NEGR1: variants seen among roughly 807,000 people sequenced by gnomAD.
NEGR1 encodes the protein IgLON family member 4.
In NEGR1, 10 loss-of-function variants were observed where a neutral mutation model predicts 40.9. That is an observed-to-expected ratio of 0.24 (90% CI 0.15 to 0.42). The LOEUF (loss-of-function observed/expected upper bound fraction) is 0.42. Ranked by LOEUF, NEGR1 falls within the 10% of genes least tolerant of loss-of-function variation. NEGR1 has a pLI of 1.00. For missense variants in NEGR1, 352 were observed against 438.9 expected (o/e 0.80, Z 1.77); for synonymous variants, 185 against 166.8 (o/e 1.11, Z -0.84).
At chr1:72,033,428 T>C (rs1014732122) in intron 1 of NEGR1, among the ~76,000 whole-genome samples, 2 of 152,198 alleles carry the variant, frequency 1.3e-5, no homozygotes, top group African/African-American at 4.8e-5. Context: ...TTTAAAGCAC[T>C]GTCAAAAAGG....
rs148066244 is a variant in NEGR1 at position 72,220,556 on chromosome 1, C to G, written c.176+61763G>C. 5.2e-3 allele frequency among the ~76,000 whole-genome samples: 793 copies of G among 152,140 alleles called. 7 individuals carry two copies. The highest frequency in any genetic ancestry group is 0.017 in the African/African-American group (720 of 41,534). On this transcript the variant is annotated intron_variant, in intron 1 of 6. Coordinates refer to ENST00000357731, the MANE Select transcript of NEGR1 (RefSeq NM_173808.3). ...GTACCAAAGAAAGAATGGGAAAATT[C>G]TATGCATATCGGTAATATGAATTGG...
intron 4 of NEGR1, among the ~76,000 whole-genome samples, chr1:71,649,568 G>T (rs1472417069): frequency 6.6e-6 from 1 of 152,096 alleles, no homozygotes; most frequent in Non-Finnish European, 1.5e-5. Context: ...ATTAAAGTAG[G>T]AAGGGTGAAA....
chr1:72,165,331 T>C (rs574299305), intron 1 of NEGR1, among the ~76,000 whole-genome samples: 4 of 152,142 alleles, frequency 2.6e-5, no homozygotes, highest in African/African-American at 9.6e-5. Context: ...TCAAACAACA[T>C]TTTAAACAAA....
intron 4 of NEGR1, among the ~76,000 whole-genome samples, chr1:71,659,102 C>A (rs1239602831): frequency 3.3e-5 from 5 of 152,170 alleles, no homozygotes; most frequent in African/African-American, 1.2e-4. Context: ...AGCTTTCTTA[C>A]TAGTTCTTTA....
At chr1:71,811,914 T>G (rs1658017331) in intron 2 of NEGR1, among the ~76,000 whole-genome samples, 6 of 151,544 alleles carry the variant, frequency 4.0e-5, no homozygotes, top group Admixed American at 4.0e-4. Flanking sequence ...TTTATTTTCT[T>G]ATAGGATACA....
chr1:72,128,325 G>T (rs368779658), intron 1 of NEGR1, among the ~76,000 whole-genome samples: 37 of 152,168 alleles, frequency 2.4e-4, no homozygotes, highest in African/African-American at 7.5e-4. Context: ...CAAAGAGCAG[G>T]TGTGGAACAT....
chr1:72,058,526 G>T (rs771201359), intron 1 of NEGR1, among the ~76,000 whole-genome samples: 2 of 151,594 alleles, frequency 1.3e-5, no homozygotes, highest in Non-Finnish European at 3.0e-5. Context: ...GAAAATTTAA[G>T]CCACAGTTTT....
At chr1:71,845,066 G>T (rs1429036774) in intron 2 of NEGR1, among the ~76,000 whole-genome samples, 1 of 152,108 alleles carries the variant, frequency 6.6e-6, no homozygotes, top group Non-Finnish European at 1.5e-5. Flanking sequence ...AATAGACAAT[G>T]GTTCTTTTTC....
At chr1:71,781,394 G>A (rs1656710090) in intron 2 of NEGR1, among the ~76,000 whole-genome samples, 1 of 152,170 alleles carries the variant, frequency 6.6e-6, no homozygotes, top group African/African-American at 2.4e-5. Context: ...GCGTCTGACA[G>A]TTATTTTAAC....
chr1:72,119,556 T>C (rs995489030), intron 1 of NEGR1, among the ~76,000 whole-genome samples: 1 of 151,974 alleles, frequency 6.6e-6, no homozygotes, highest in Non-Finnish European at 1.5e-5. Flanking sequence ...TAGGTTATCA[T>C]ATTGGCAGAA....
intron 1 of NEGR1, among the ~76,000 whole-genome samples, chr1:72,131,863 G>C (rs886906467): frequency 2.0e-5 from 3 of 152,156 alleles, no homozygotes; most frequent in Admixed American, 6.5e-5. Context: ...TTGGGAGGCT[G>C]AGATGGGAGG....
At chr1:71,706,853 G>A (rs1653917958) in intron 3 of NEGR1, among the ~76,000 whole-genome samples, 1 of 151,890 alleles carries the variant, frequency 6.6e-6, no homozygotes, top group African/African-American at 2.4e-5. Flanking sequence ...CGATACCCAG[G>A]TACTACATTG....
intron 1 of NEGR1, among the ~76,000 whole-genome samples, chr1:72,079,935 G>T (rs1376564869): frequency 2.0e-5 from 3 of 151,978 alleles, no homozygotes; most frequent in African/African-American, 7.2e-5. Context: ...AACAGAATCC[G>T]AGATTATATT....
intron 1 of NEGR1, among the ~76,000 whole-genome samples, chr1:72,231,376 A>T (rs1654358453): frequency 6.6e-6 from 1 of 152,082 alleles, no homozygotes; most frequent in African/African-American, 2.4e-5. Context: ...TATGAACCTT[A>T]CTCCACCATT....
intron 1 of NEGR1, among the ~76,000 whole-genome samples, chr1:72,120,234 T>C (rs1367767139): frequency 6.6e-6 from 1 of 151,994 alleles, no homozygotes; most frequent in Non-Finnish European, 1.5e-5. Flanking sequence ...GTTAAACATG[T>C]TTTCCTCAAA....
intron 1 of NEGR1, among the ~76,000 whole-genome samples, chr1:71,999,773 A>G (rs1416409734): frequency 6.7e-6 from 1 of 149,102 alleles, no homozygotes; most frequent in Non-Finnish European, 1.5e-5. Context: ...TTTACATACT[A>G]TCAATGATGC....
intron 6 of NEGR1, chr1:71,461,635 T>G (rs2101344170): frequency 6.6e-6 from 1 of 152,280 alleles, no homozygotes; most frequent in Non-Finnish European, 1.5e-5. Context: ...TATATAAATG[T>G]CACAAATGAA....
At chr1:71,915,483 T>C (rs189763557) in intron 2 of NEGR1, among the ~76,000 whole-genome samples, 2 of 152,216 alleles carry the variant, frequency 1.3e-5, no homozygotes, top group Admixed American at 1.3e-4. Flanking sequence ...TCTTAAAAGA[T>C]ATTTATTATA....
intron 1 of NEGR1, among the ~76,000 whole-genome samples, chr1:72,167,170 C>T (rs1240523776): frequency 6.6e-6 from 1 of 152,048 alleles, no homozygotes; most frequent in East Asian, 1.9e-4. Context: ...AAGAAAAAAA[C>T]ATTTTGTCAG....
Sources: allele counts gnomAD v4.1 joint callset (sites outside exome capture counted in the v4.1 genomes callset), GRCh38; gene constraint gnomAD v4.1.1; transcripts MANE v1.5; gene names NCBI Gene and HGNC (gene_info 2026-07-23, HGNC 2026-07-21).